Variants in ZNF480 observed in about 807,000 individuals in gnomAD.
ZNF480 encodes zinc finger protein 480.
ZNF480 carries 15 observed loss-of-function variants against 14.4 expected under a neutral mutation model. The ratio of observed to expected loss-of-function variants is 1.04; its 90% CI spans 0.70 to 1.60. The LOEUF (loss-of-function observed/expected upper bound fraction) is 1.60. Among genes scored for constraint, ZNF480 ranks in the 40% most tolerant of loss-of-function variants. The pLI, the probability that ZNF480 is intolerant of heterozygous loss-of-function variation, is 0.00. For missense variants in ZNF480, 593 were observed against 629.7 expected (o/e 0.94, Z 0.62); for synonymous variants, 218 against 215.5 (o/e 1.01, Z -0.10).
chr19:52,325,732 CAAAGA>C lies in ZNF480; in HGVS notation c.*2876_*2880del, dbSNP rs1306529062. The C allele has an allele frequency of 6.6e-6, 1 of 152,096 alleles. No individual in the cohort carries two copies. The highest frequency in any genetic ancestry group is 2.4e-5 in the African/African-American group (1 of 41,402). The allele number at this position is 152,096 out of a possible 1,614,324, so 9.4% of individuals were successfully genotyped here. A position where few individuals can be genotyped will look rare whatever the true frequency, so the allele number is the denominator to read the frequency against. On this transcript the variant is annotated 3_prime_UTR_variant, in exon 5 of 5. Coordinates refer to ENST00000595962, the MANE Select transcript of ZNF480 (RefSeq NM_144684.4). ...GCTAAACATTGATTACACATGGACT[CAAAGA>C]AGGGAACAGTAGACACGGGCTTATG...
chr19:52,299,730 G>C (rs1004254341), intron 1 of ZNF480, among the ~76,000 whole-genome samples: 1 of 151,874 alleles, frequency 6.6e-6, no homozygotes, highest in South Asian at 2.1e-4. Flanking sequence ...TTTCACTCTT[G>C]TTGCCCAGGC....
chr19:52,298,833 G>A (rs1397575674), intron 1 of ZNF480, among the ~76,000 whole-genome samples: 1 of 151,686 alleles, frequency 6.6e-6, no homozygotes, highest in Non-Finnish European at 1.5e-5. Flanking sequence ...AATAAAGGGG[G>A]AAAAAAGCTA....
intron 2 of ZNF480, chr19:52,300,872 C>G: frequency 8.6e-6 from 2 of 233,134 alleles, no homozygotes; most frequent in Non-Finnish European, 1.7e-5. Context: ...GAGAAACAGT[C>G]TTTGGCTAAT....
In ZNF480 at chr19:52,322,705, T is replaced by C. The variant is rs1317325176; in HGVS notation, c.1455T>C (p.Cys485=). The part of the protein sequence containing the change: ...RIHTGERPYK[C]NECGKVFNRI... ...ATACTGGAGAAAGACCTTACAAATGTAATGAATGTGGCAAGGTCTTCAATC... is the reference window on the plus strand; with the variant it reads ...ATACTGGAGAAAGACCTTACAAATGCAATGAATGTGGCAAGGTCTTCAATC... The change falls in exon 5 of 5, where the codon TGT becomes TGC. Residue 485 remains cysteine (C), a synonymous_variant. Coordinates refer to ENST00000595962, the MANE Select transcript of ZNF480 (RefSeq NM_144684.4). The C allele has an allele frequency of 6.2e-7, 1 of 1,613,776 alleles. No individual in the cohort carries two copies. Among genetic ancestry groups the C allele is most frequent in the South Asian group, 1.1e-5 (1 of 91,082 alleles).
chr19:52,305,814 G>A (rs1672670212), intron 2 of ZNF480, among the ~76,000 whole-genome samples: 2 of 152,170 alleles, frequency 1.3e-5, no homozygotes, highest in Admixed American at 1.3e-4. Context: ...GCCTGGGACG[G>A]GCCCCTCATG....
At chr19:52,310,796 C>T (rs997556969) in intron 2 of ZNF480, among the ~76,000 whole-genome samples, 9 of 151,198 alleles carry the variant, frequency 6.0e-5, no homozygotes, top group South Asian at 2.1e-4. Context: ...GTCAGGAGAT[C>T]GAGACCATCC....
Position 52,321,509 on chromosome 19 carries a change from G to C in ZNF480, c.329-70G>C. ...TCTGAGTCAGATGAGGCAGATTCTAGTATTTTCATCAGACTCTAAACATGC... is the reference window on the plus strand; with the variant it reads ...TCTGAGTCAGATGAGGCAGATTCTACTATTTTCATCAGACTCTAAACATGC... On this transcript the variant is annotated intron_variant, in intron 4 of 4. Coordinates refer to ENST00000595962, the MANE Select transcript of ZNF480 (RefSeq NM_144684.4). 3.8e-6 allele frequency: 5 copies of C among 1,316,316 alleles called. No homozygotes were observed. In the South Asian group the frequency reaches 7.4e-5, roughly 20 times the overall value. 81.5% of individuals were successfully genotyped at this position (1,316,316 alleles called of 1,614,324 possible). A position where few individuals can be genotyped will look rare whatever the true frequency, so the allele number is the denominator to read the frequency against.
At chr19:52,316,767 G>GTAT (rs1279598373) in intron 4 of ZNF480, among the ~76,000 whole-genome samples, 2 of 152,122 alleles carry the variant, frequency 1.3e-5, no homozygotes, top group Non-Finnish European at 2.9e-5. Context: ...GTGAATTTCA[G>GTAT]TATTTTGGAT....
chr19:52,321,958 C>T lies in ZNF480; in HGVS notation c.708C>T (p.Cys236=), dbSNP rs764265636. ...TVEKPYKCNS[C]GKVFSRNSHL... ...AGAAACCTTACAAATGTAATTCATGCGGCAAGGTCTTTAGTCGCAATTCAC... is the reference window on the plus strand; with the variant it reads ...AGAAACCTTACAAATGTAATTCATGTGGCAAGGTCTTTAGTCGCAATTCAC... The change falls in exon 5 of 5, where the codon TGC becomes TGT. Residue 236 remains cysteine, a synonymous_variant. Coordinates refer to ENST00000595962, the MANE Select transcript of ZNF480 (RefSeq NM_144684.4). 5.0e-5 allele frequency: 81 copies of T among 1,612,156 alleles called. No homozygotes were observed. Among genetic ancestry groups the T allele is most frequent in the South Asian group, 3.2e-4 (29 of 90,962 alleles).
intron 2 of ZNF480, among the ~76,000 whole-genome samples, chr19:52,313,326 C>G (rs978741695): frequency 6.9e-6 from 1 of 144,380 alleles, no homozygotes; most frequent in Non-Finnish European, 1.5e-5. Context: ...TAATTAGAGA[C>G]GGGGTTTCAC....
In ZNF480 at chr19:52,322,449, A is replaced by C; in HGVS notation, c.1199A>C (p.Lys400Thr). Residue 400 changes from lysine (K) to threonine (T), a missense_variant, in exon 5 of 5, where the codon AAA (lysine) becomes ACA (threonine). Physicochemically the swap from Lys to Thr is moderately conservative, Grantham distance 78. Coordinates refer to ENST00000595962, the MANE Select transcript of ZNF480 (RefSeq NM_144684.4). Reference sequence around the variant, plus strand: ...ATTCATACAGGAGAGAAACCTTACAAATGTAATGAATGTGGAAAAGTATTT... The same window carrying C: ...ATTCATACAGGAGAGAAACCTTACACATGTAATGAATGTGGAAAAGTATTT... ...WRIHTGEKPY[K>T]CNECGKVFNQ... 1 of 1,614,042 alleles carries C rather than the reference A, an allele frequency of 6.2e-7. No individual in the cohort carries two copies. Among genetic ancestry groups the C allele is most frequent in the Non-Finnish European group, 8.5e-7 (1 of 1,179,974 alleles).
chr19:52,304,302 A>G (rs1020298541), intron 2 of ZNF480, among the ~76,000 whole-genome samples: 15 of 152,226 alleles, frequency 9.9e-5, no homozygotes, highest in Non-Finnish European at 1.5e-4. Flanking sequence ...AATCAGCAGG[A>G]AAAGGCAGTC....
At chr19:52,306,800 C>T (rs1982952280) in intron 2 of ZNF480, among the ~76,000 whole-genome samples, 1 of 152,160 alleles carries the variant, frequency 6.6e-6, no homozygotes, top group Admixed American at 6.5e-5. Flanking sequence ...ATCTAGCTTG[C>T]TGGATTCCTG....
chr19:52,314,473 CAAAAAAAAAAAAAAAA>C (rs34349660), intron 3 of ZNF480, among the ~76,000 whole-genome samples, 194 bp downstream of exon 3: 1 of 66,208 alleles, frequency 1.5e-5, no homozygotes, highest in Non-Finnish European at 2.5e-5. Context: ...AACTCCGTCC[CAAAAAAAAAAAAAAAA>C]AAAAAAAAAC....
Position 52,321,934 on chromosome 19 carries a change from GA to G in ZNF480, c.687del (p.Lys229AsnfsTer102). On this transcript the variant is annotated frameshift_variant, in exon 5 of 5. Coordinates refer to ENST00000595962, the MANE Select transcript of ZNF480 (RefSeq NM_144684.4). LOFTEE classifies it low-confidence loss of function (END_TRUNC). Reference protein sequence around the residue: ...TKHQVIHTVEKPYKCNSCGKV... With the variant: ...TKHQVIHTVEXPYKCNSCGKV... The stretch of plus-strand genomic sequence containing the variant: ...AACATCAAGTAATCCATACTGTAGA[GA>G]AACCTTACAAATGTAATTCATGCGG... 2 of 1,614,112 alleles carry G rather than the reference GA, an allele frequency of 1.2e-6. No individual in the cohort carries two copies. Among genetic ancestry groups the G allele is most frequent in the Non-Finnish European group, 1.7e-6 (2 of 1,180,010 alleles).
At position 52,322,961 on chromosome 19, in the gene ZNF480, A is replaced by C; in HGVS notation, c.*103A>C. On this transcript the variant is annotated 3_prime_UTR_variant, in exon 5 of 5. Transcript: ENST00000595962. Reference sequence around the variant, plus strand: ...CAAAGAAATTTTGCAAATGTAAAGAATATGACAAGGTCTTCAAACACAAGT... The same window carrying C: ...CAAAGAAATTTTGCAAATGTAAAGACTATGACAAGGTCTTCAAACACAAGT... The C allele has an allele frequency of 9.5e-7, 1 of 1,051,338 alleles. No individual in the cohort carries two copies. The highest frequency in any genetic ancestry group is 2.2e-5 in the South Asian group (1 of 45,060). 65.1% of individuals were successfully genotyped at this position (1,051,338 alleles called of 1,614,324 possible).
chr19:52,315,119 T>C (rs10421479), intron 3 of ZNF480, among the ~76,000 whole-genome samples: 112,897 of 151,852 alleles, frequency 0.74, 42,506 homozygotes, highest in African/African-American at 0.83. Flanking sequence ...CCACCACACC[T>C]GGCTAATTTT....
Position 52,321,198 on chromosome 19 carries a change from ACACT to A in ZNF480, c.329-375_329-372del, listed in dbSNP as rs1600222194. Among the ~76,000 whole-genome samples the A allele has an allele frequency of 2.0e-5, 3 of 152,120 alleles. No individual in the cohort carries two copies. In the East Asian group the frequency reaches 5.8e-4, roughly 29 times the overall value. Reference sequence around the variant, plus strand: ...TTAGCCTGTTGTAAAGGGTGTGGGAACACTCACTCCTTTTCTGGGGATGTGCCTT... The same window carrying A: ...TTAGCCTGTTGTAAAGGGTGTGGGAACACTCCTTTTCTGGGGATGTGCCTT... On this transcript the variant is annotated intron_variant, in intron 4 of 4. Transcript: ENST00000595962.
Position 52,322,815 on chromosome 19 carries a change from G to T in ZNF480, c.1565G>T (p.Arg522Leu), listed in dbSNP as rs189217102. The T allele has an allele frequency of 6.2e-7, 1 of 1,606,208 alleles. No homozygotes were observed. Among genetic ancestry groups the T allele is most frequent in the Admixed American group, 1.7e-5 (1 of 59,550 alleles). The change falls in exon 5 of 5, where the codon CGC (arginine) becomes CTC (leucine). Residue 522 changes from arginine to leucine, a missense_variant. By Grantham distance (102) the Arg-to-Leu change is moderately radical. Coordinates refer to ENST00000595962, the MANE Select transcript of ZNF480 (RefSeq NM_144684.4). ...KCNECGKAFS[R>L]ISYLAQHWTI... ...AATGAGTGTGGCAAGGCCTTTAGTCGCATTTCATACCTAGCACAACATTGG... is the reference window on the plus strand; with the variant it reads ...AATGAGTGTGGCAAGGCCTTTAGTCTCATTTCATACCTAGCACAACATTGG...
Sources: gnomAD v4.1 joint callset for allele counts (sites outside exome capture counted in the v4.1 genomes callset) on GRCh38, gnomAD v4.1.1 for gene constraint, MANE v1.5 for transcripts, NCBI Gene and HGNC (gene_info 2026-07-23, HGNC 2026-07-21) for gene names.